Variants in COL5A2 observed in about 807,000 individuals in gnomAD.
The protein encoded by COL5A2 is collagen alpha-2(V) chain.
A neutral mutation model predicts 208.2 loss-of-function variants in COL5A2; 23 were observed. The observed-to-expected ratio is 0.11, with a 90% CI of 0.08 to 0.16. The LOEUF is 0.16. Among genes scored for constraint, COL5A2 ranks in the 10% least tolerant of loss-of-function variants. The pLI, the probability that COL5A2 is intolerant of heterozygous loss-of-function variation, is 1.00. For synonymous variants in COL5A2, 625 were observed against 628.5 expected (o/e 0.99, Z 0.08); for missense variants, 1,590 against 1,956.4 (o/e 0.81, Z 3.53).
chr2:189,157,310 T>C (rs1439959862), intron 1 of COL5A2, among the ~76,000 whole-genome samples: 1 of 151,794 alleles, frequency 6.6e-6, no homozygotes, highest in Non-Finnish European at 1.5e-5. Context: ...TGTTAAAGCA[T>C]ATACAAATAA....
At chr2:189,256,636 A>C in the COL5A2 span, among the ~76,000 whole-genome samples, 33 of 152,228 alleles carry the variant, frequency 2.2e-4, no homozygotes, top group African/African-American at 7.0e-4. Context: ...CAAATCAGAA[A>C]AGATTGTCCT....
At chr2:189,210,252 TTAAAA>T (rs1257909565) in intron 1 of COL5A2, among the ~76,000 whole-genome samples, 1 of 152,076 alleles carries the variant, frequency 6.6e-6, no homozygotes, top group African/African-American at 2.4e-5. Flanking sequence ...TAAAGAGAGT[TTAAAA>T]TGAAATGCTT....
upstream of COL5A2, among the ~76,000 whole-genome samples, chr2:189,182,238 C>G (rs1688790859): frequency 6.6e-6 from 1 of 152,098 alleles, no homozygotes. Context: ...AGAAATCTGT[C>G]CCAATTCCAG....
chr2:189,087,290 T>C (rs1686683228), intron 8 of COL5A2, among the ~76,000 whole-genome samples: 1 of 152,128 alleles, frequency 6.6e-6, no homozygotes, highest in East Asian at 1.9e-4. Flanking sequence ...TTTCACAACA[T>C]AGATTGAAAC....
At chr2:189,161,481 G>A (rs1249887439) in intron 1 of COL5A2, among the ~76,000 whole-genome samples, 1 of 151,942 alleles carries the variant, frequency 6.6e-6, no homozygotes, top group African/African-American at 2.4e-5. Flanking sequence ...TTTTTATAAG[G>A]CTTTGGACCA....
At chr2:189,081,565 A>C (rs1272172227) in intron 12 of COL5A2, among the ~76,000 whole-genome samples, 1 of 152,172 alleles carries the variant, frequency 6.6e-6, no homozygotes, top group African/African-American at 2.4e-5. Flanking sequence ...TGATGGGAAG[A>C]ACAGTATTAT....
chr2:189,240,819 G>A, the COL5A2 span, among the ~76,000 whole-genome samples: 64 of 152,230 alleles, frequency 4.2e-4, no homozygotes, highest in African/African-American at 1.5e-3. Flanking sequence ...CAGGTTCTCA[G>A]AGGAAGCTTC....
rs565968333 is a variant in COL5A2, at chr2:189,065,544, AAAGG to A, written c.1564-491_1564-488del. On this transcript the variant is annotated intron_variant, in intron 23 of 53. Coordinates refer to ENST00000374866, the MANE Select transcript of COL5A2 (RefSeq NM_000393.5). Reference sequence around the variant, plus strand: ...ACTATGTCAGAAAAAAAAAAGGAAGAAAGGAAGGAAGGAAGCAAGGAAATATTCT... The same window carrying A: ...ACTATGTCAGAAAAAAAAAAGGAAGAAAGGAAGGAAGCAAGGAAATATTCT... 7.5e-4 allele frequency among the ~76,000 whole-genome samples: 114 copies of A among 152,242 alleles called. 1 individual carries two copies. The highest frequency in any genetic ancestry group is 2.6e-3 in the African/African-American group (110 of 41,574).
At chr2:189,161,317 G>C (rs373962289) in intron 1 of COL5A2, among the ~76,000 whole-genome samples, 1 of 151,876 alleles carries the variant, frequency 6.6e-6, no homozygotes, top group African/African-American at 2.4e-5. Context: ...ATTTGTTAAT[G>C]TATCTATTCC....
intron 1 of COL5A2, among the ~76,000 whole-genome samples, chr2:189,198,588 C>T (rs548930125): frequency 6.6e-6 from 1 of 152,188 alleles, no homozygotes; most frequent in Non-Finnish European, 1.5e-5. Flanking sequence ...ACATAATGAA[C>T]AGTCATTTAT....
chr2:189,040,733 A>C (rs1685543840), intron 50 of COL5A2, among the ~76,000 whole-genome samples: 1 of 152,222 alleles, frequency 6.6e-6, no homozygotes, highest in Non-Finnish European at 1.5e-5. Context: ...AGAGAAAAGA[A>C]AAGACTTTTT....
the COL5A2 span, among the ~76,000 whole-genome samples, chr2:189,260,178 C>G: frequency 6.6e-6 from 1 of 152,090 alleles, no homozygotes; most frequent in Non-Finnish European, 1.5e-5. Flanking sequence ...GCTATGAAGT[C>G]TTTCAGAAAA....
intron 1 of COL5A2, among the ~76,000 whole-genome samples, chr2:189,166,374 G>A (rs1227851080): frequency 4.0e-5 from 6 of 151,728 alleles, no homozygotes; most frequent in South Asian, 2.1e-4. Context: ...GGGACATTAT[G>A]GGCAGAGAAC....
At chr2:189,090,439 G>A (rs1686759647) in intron 7 of COL5A2, among the ~76,000 whole-genome samples, 1 of 152,240 alleles carries the variant, frequency 6.6e-6, no homozygotes, top group Non-Finnish European at 1.5e-5. Context: ...AGACACTGCA[G>A]CAAGTTATCC....
the COL5A2 span, among the ~76,000 whole-genome samples, chr2:189,321,260 A>G: frequency 6.6e-6 from 1 of 152,220 alleles, no homozygotes; most frequent in African/African-American, 2.4e-5. Context: ...TGCATCAACT[A>G]ACGAGTAAAA....
the COL5A2 span, among the ~76,000 whole-genome samples, chr2:189,239,919 TAGCCAGATA>T: frequency 3.3e-5 from 5 of 152,170 alleles, no homozygotes; most frequent in Non-Finnish European, 7.4e-5. Context: ...ACTTTGATTT[TAGCCAGATA>T]AGACACATTT....
chr2:189,331,429 T>C, the COL5A2 span, among the ~76,000 whole-genome samples: 1 of 152,172 alleles, frequency 6.6e-6, no homozygotes, highest in Non-Finnish European at 1.5e-5. Flanking sequence ...TCATCTTGCA[T>C]TCACATGTGT....
chr2:189,220,846 C>T (rs1156321232), intron 1 of COL5A2, among the ~76,000 whole-genome samples: 3 of 152,088 alleles, frequency 2.0e-5, no homozygotes, highest in Admixed American at 2.0e-4. Context: ...TCACTCGTAC[C>T]CTGATCATTT....
intron 8 of COL5A2, among the ~76,000 whole-genome samples, chr2:189,087,144 G>A (rs1042076538): frequency 1.3e-5 from 2 of 151,922 alleles, no homozygotes; most frequent in Non-Finnish European, 2.9e-5. Context: ...TAATTCTTCA[G>A]ATTCACAGCA....
Sources: gnomAD v4.1 joint callset for allele counts (sites outside exome capture counted in the v4.1 genomes callset) on GRCh38, gnomAD v4.1.1 for gene constraint, MANE v1.5 for transcripts, NCBI Gene and HGNC (gene_info 2026-07-23, HGNC 2026-07-21) for gene names.